Variants in CAMTA1 observed in about 807,000 individuals in gnomAD.
CAMTA1 encodes the protein calmodulin-binding transcription activator 1.
CAMTA1 carries 27 observed loss-of-function variants against 170.9 expected under a neutral mutation model. The ratio of observed to expected loss-of-function variants is 0.16; its 90% CI spans 0.12 to 0.22. CAMTA1 has a LOEUF of 0.22. Among genes scored for constraint, CAMTA1 ranks in the 10% least tolerant of loss-of-function variants. The pLI, the probability that CAMTA1 is intolerant of heterozygous loss-of-function variation, is 1.00. For missense variants in CAMTA1, 1,619 were observed against 2,217.2 expected, an observed-to-expected ratio of 0.73 and a Z score of 5.42; for synonymous variants, 833 against 891.5, an observed-to-expected ratio of 0.93 and a Z score of 1.17.
intron 3 of CAMTA1, among the ~76,000 whole-genome samples, chr1:6,930,535 C>G (rs1031587908): frequency 6.6e-6 from 1 of 152,190 alleles, no homozygotes; most frequent in Non-Finnish European, 1.5e-5. Context: ...CCTGGGTTTG[C>G]GCGCATGTGA....
At chr1:7,655,055 TACAAACACAC>T (rs2095877568) in intron 7 of CAMTA1, among the ~76,000 whole-genome samples, 1 of 106,582 alleles carries the variant, frequency 9.4e-6, no homozygotes, top group African/African-American at 3.8e-5. Flanking sequence ...CACACACCTA[TACAAACACAC>T]CCACCTATAC....
chr1:7,665,884 T>C lies in CAMTA1; in HGVS notation c.2652+685T>C, dbSNP rs986370803. Among the ~76,000 whole-genome samples, 2 of 151,822 alleles carry C rather than the reference T, an allele frequency of 1.3e-5. No individual in the cohort carries two copies. The highest frequency in any genetic ancestry group is 2.1e-4 in the South Asian group (1 of 4,798). ...GCTTAAAAAAATTCAAAAGTCACCATTGGCCGGGCTCAGTGGCTCATGCCC... is the reference window on the plus strand; with the variant it reads ...GCTTAAAAAAATTCAAAAGTCACCACTGGCCGGGCTCAGTGGCTCATGCCC... On this transcript the variant is annotated intron_variant, in intron 9 of 22. Coordinates refer to ENST00000303635, the MANE Select transcript of CAMTA1 (RefSeq NM_015215.4). This position sits in a 1 kb window ranked among gnomAD's most constrained non-coding sequence, Gnocchi z 4.3.
At chr1:7,244,184 C>A (rs1212337751) in intron 4 of CAMTA1, among the ~76,000 whole-genome samples, 1 of 152,136 alleles carries the variant, frequency 6.6e-6, no homozygotes, top group African/African-American at 2.4e-5. Flanking sequence ...ATCAAAACCA[C>A]AATGAGATAC....
chr1:7,654,358 T>G (rs1456463576), intron 7 of CAMTA1, among the ~76,000 whole-genome samples: 1 of 151,910 alleles, frequency 6.6e-6, no homozygotes, highest in Non-Finnish European at 1.5e-5. Flanking sequence ...CCAGCCTGGG[T>G]GACAGAGTGA....
chr1:6,935,164 T>A (rs1419403177), intron 3 of CAMTA1, among the ~76,000 whole-genome samples: 5 of 152,226 alleles, frequency 3.3e-5, no homozygotes, highest in Non-Finnish European at 7.3e-5. Context: ...ATCCCGTAGG[T>A]GTGGTATTCT....
chr1:6,961,551 C>A (rs959386063), intron 3 of CAMTA1, among the ~76,000 whole-genome samples: 1 of 114,018 alleles, frequency 8.8e-6, no homozygotes, highest in Non-Finnish European at 1.6e-5. Flanking sequence ...TGGGCTGAGC[C>A]GGGGGCGTGA....
At chr1:7,652,368 A>C (rs1433076190) in intron 7 of CAMTA1, among the ~76,000 whole-genome samples, 3 of 151,866 alleles carry the variant, frequency 2.0e-5, no homozygotes, top group African/African-American at 7.3e-5. Context: ...CCTGCCTCCC[A>C]GTTCCTCCCG....
chr1:7,184,856 T>C (rs1344123580), intron 4 of CAMTA1, among the ~76,000 whole-genome samples: 1 of 152,048 alleles, frequency 6.6e-6, no homozygotes, highest in Non-Finnish European at 1.5e-5. Context: ...ATGCTGAAAG[T>C]TGGGGGCAGC....
At chr1:7,629,808 T>C (rs1015311116) in intron 6 of CAMTA1, among the ~76,000 whole-genome samples, 1 of 151,978 alleles carries the variant, frequency 6.6e-6, no homozygotes, top group African/African-American at 2.4e-5. Context: ...GGCTGGGCCC[T>C]TTCTGGTCCC....
At chr1:7,337,468 C>T (rs1574772512) in intron 5 of CAMTA1, among the ~76,000 whole-genome samples, 1 of 151,900 alleles carries the variant, frequency 6.6e-6, no homozygotes, top group Non-Finnish European at 1.5e-5. Context: ...GTTGACCCTC[C>T]GTAATGTGCA....
Position 7,320,620 on chromosome 1 carries a change from C to G in CAMTA1, c.438+70994C>G, listed in dbSNP as rs866008045. Among the ~76,000 whole-genome samples, 6 of 150,614 alleles carry G rather than the reference C, an allele frequency of 4.0e-5. 1 individual carries two copies. The South Asian group carries it at 1.3e-3, about 32-fold the overall frequency. ...AGATCCTTAAGGGTGGCTGTCATCT[C>G]CACTATCCCCCTGGGCTGTGCTGTG... On this transcript the variant is annotated intron_variant, in intron 5 of 22. Transcript: ENST00000303635.
At chr1:7,544,450 G>A (rs1208321315) in intron 6 of CAMTA1, among the ~76,000 whole-genome samples, 1 of 152,314 alleles carries the variant, frequency 6.6e-6, no homozygotes, top group East Asian at 1.9e-4. Flanking sequence ...GTGTTGAGGA[G>A]TCAGGCCATC....
rs145653787 is a variant in CAMTA1 at position 7,597,659 on chromosome 1, A to G, written c.511-42741A>G. 1.2e-4 allele frequency among the ~76,000 whole-genome samples: 19 copies of G among 152,238 alleles called. No individual in the cohort carries two copies. In the South Asian group the frequency reaches 1.7e-3, roughly 13 times the overall value. On this transcript the variant is annotated intron_variant, in intron 6 of 22. Transcript: ENST00000303635. ...CAACGGGCTGGAGACCAGGAAAGAA[A>G]TGATGTTGTAGGTCGAGTCTGAAAG...
At chr1:7,366,891 G>C (rs979193117) in intron 5 of CAMTA1, among the ~76,000 whole-genome samples, 1 of 152,208 alleles carries the variant, frequency 6.6e-6, no homozygotes, top group Non-Finnish European at 1.5e-5. Flanking sequence ...ACTGGTTCCA[G>C]AAGTTAATTT....
chr1:6,818,357 TAAC>T (rs746780331), intron 1 of CAMTA1, among the ~76,000 whole-genome samples: 80 of 152,098 alleles, frequency 5.3e-4, no homozygotes, highest in Non-Finnish European at 7.8e-4. Context: ...AACAAACAAA[TAAC>T]AACAAATAAA....
At chr1:6,930,233 T>C (rs772933415) in intron 3 of CAMTA1, among the ~76,000 whole-genome samples, 6 of 152,142 alleles carry the variant, frequency 3.9e-5, no homozygotes, top group Non-Finnish European at 8.8e-5. Context: ...CACTGTCGAC[T>C]CGCCTGCCTG....
At chr1:7,026,592 A>C (rs1345282874) in intron 3 of CAMTA1, among the ~76,000 whole-genome samples, 4 of 151,522 alleles carry the variant, frequency 2.6e-5, no homozygotes, top group Admixed American at 1.3e-4. Flanking sequence ...ACATTTCTCT[A>C]ACTTTAGACC....
At chr1:7,142,588 G>A (rs1259610073) in intron 4 of CAMTA1, among the ~76,000 whole-genome samples, 1 of 152,222 alleles carries the variant, frequency 6.6e-6, no homozygotes, top group Non-Finnish European at 1.5e-5. Context: ...TGTCATCCTT[G>A]CGGTAATGAG....
At chr1:6,806,066 A>C (rs942445363) in intron 1 of CAMTA1, among the ~76,000 whole-genome samples, 1 of 151,948 alleles carries the variant, frequency 6.6e-6, no homozygotes, top group Non-Finnish European at 1.5e-5. Context: ...TTCCAGCTTC[A>C]TTTTTTTGCA....
Sources: gnomAD v4.1 joint callset for allele counts (sites outside exome capture counted in the v4.1 genomes callset) on GRCh38, gnomAD v4.1.1 for gene constraint, Gnocchi (gnomAD v3.1) non-coding constraint, MANE v1.5 for transcripts, NCBI Gene and HGNC (gene_info 2026-07-23, HGNC 2026-07-21) for gene names.